DOCK4: variants seen among roughly 807,000 people sequenced by gnomAD.
The protein encoded by DOCK4 is dedicator of cytokinesis 4.
In DOCK4, 97 loss-of-function variants were observed where a neutral mutation model predicts 268.1. The observed-to-expected ratio is 0.36, with a 90% CI of 0.31 to 0.43. DOCK4 has a LOEUF of 0.43. Ranked by LOEUF, DOCK4 falls within the 20% of genes least tolerant of loss-of-function variation. The pLI is 1.00. For missense variants in DOCK4, 2,145 were observed against 2,455.7 expected (o/e 0.87, Z 2.67); for synonymous variants, 954 against 887.2 (o/e 1.08, Z -1.34).
At chr7:111,737,010 A>C in intron 49 of DOCK4, 21 bp from the exon 50 acceptor site, 1 of 1,592,642 alleles carries the variant, frequency 6.3e-7, no homozygotes, top group Non-Finnish European at 8.6e-7. Context: ...ACAAGGGTTG[A>C]TTTTTATGAT....
intron 1 of DOCK4, among the ~76,000 whole-genome samples, chr7:112,203,863 A>G (rs2116900851): frequency 7.8e-6 from 1 of 128,042 alleles, no homozygotes; most frequent in East Asian, 2.3e-4. Flanking sequence ...ACACACACAC[A>G]CACGCCTAAC....
rs531498018 is a variant in DOCK4, at chr7:111,877,221, G to T, written c.1588-35C>A. The T allele has an allele frequency of 9.6e-6, 13 of 1,355,174 alleles. No homozygotes were observed. The African/African-American group carries it at 1.5e-4, about 16-fold the overall frequency. The allele number at this position is 1,355,174 out of a possible 1,614,324, so 83.9% of individuals were successfully genotyped here. On this transcript the variant is annotated intron_variant, in intron 16 of 52. Transcript: ENST00000428084. Reference sequence around the variant, plus strand: ...ATATTTAAAAAAACATAAGGGAAGGGGAAGAGATCTCATAAGAATTATTAA... The same window carrying T: ...ATATTTAAAAAAACATAAGGGAAGGTGAAGAGATCTCATAAGAATTATTAA...
intron 1 of DOCK4, among the ~76,000 whole-genome samples, chr7:112,061,332 C>T (rs188900104): frequency 2.1e-4 from 32 of 152,258 alleles, no homozygotes; most frequent in Admixed American, 5.9e-4. Context: ...GTGGGTCACA[C>T]GACCAGGTAG....
At chr7:111,936,088 C>T (rs939330840) in intron 11 of DOCK4, among the ~76,000 whole-genome samples, 1 of 152,154 alleles carries the variant, frequency 6.6e-6, no homozygotes, top group Non-Finnish European at 1.5e-5. Context: ...TAATTCCTGG[C>T]ATATAATAAA....
intron 1 of DOCK4, among the ~76,000 whole-genome samples, chr7:112,014,628 A>G (rs1484999806): frequency 6.6e-6 from 1 of 152,228 alleles, no homozygotes; most frequent in Admixed American, 6.5e-5. Flanking sequence ...AGATTTTTAA[A>G]TGTACACAGC....
intron 1 of DOCK4, among the ~76,000 whole-genome samples, chr7:112,085,815 A>G (rs996783705): frequency 6.6e-6 from 1 of 152,110 alleles, no homozygotes; most frequent in Admixed American, 6.6e-5. Context: ...GTGTCCCTGG[A>G]AGAGGCACAG....
intron 1 of DOCK4, among the ~76,000 whole-genome samples, chr7:112,086,725 G>C (rs1045847680): frequency 1.2e-4 from 18 of 152,086 alleles, no homozygotes; most frequent in African/African-American, 3.9e-4. Flanking sequence ...ACATCTAACC[G>C]ATTCTGACAG....
intron 30 of DOCK4, chr7:111,807,373 C>T (rs1045546677): frequency 2.0e-5 from 3 of 152,132 alleles, no homozygotes; most frequent in African/African-American, 4.8e-5. Flanking sequence ...GAAGAGCAGT[C>T]TCCAAATAAG....
intron 1 of DOCK4, among the ~76,000 whole-genome samples, chr7:112,164,661 A>T (rs903932473): frequency 1.3e-5 from 2 of 152,220 alleles, no homozygotes; most frequent in African/African-American, 4.8e-5. Flanking sequence ...TTTACACTCA[A>T]TACTTACAAT....
In DOCK4 at chr7:111,737,067, T is replaced by TC; in HGVS notation, c.5233-79dup. ...CCTTTCAGAAAATGAGACGATTATC[T>TC]CCTCAGTAAAACTTTTTGTTCAAAA... On this transcript the variant is annotated intron_variant, in intron 49 of 52. Coordinates refer to ENST00000428084, the MANE Select transcript of DOCK4 (RefSeq NM_001363540.2). 7.0e-6 allele frequency: 9 copies of TC among 1,277,348 alleles called. No homozygotes were observed. In the Admixed American group the frequency reaches 2.0e-4, roughly 28 times the overall value. The allele number at this position is 1,277,348 out of a possible 1,614,324, so 79.1% of individuals were successfully genotyped here. A position where few individuals can be genotyped will look rare whatever the true frequency, so the allele number is the denominator to read the frequency against.
At chr7:112,124,313 T>G (rs958907333) in intron 1 of DOCK4, among the ~76,000 whole-genome samples, 54 of 152,224 alleles carry the variant, frequency 3.5e-4, no homozygotes, top group African/African-American at 1.3e-3. Flanking sequence ...GAGTCACTAT[T>G]GCCTGACCAA....
intron 30 of DOCK4, among the ~76,000 whole-genome samples, chr7:111,807,220 A>C (rs1382019000): frequency 6.6e-6 from 1 of 152,222 alleles, no homozygotes; most frequent in Admixed American, 6.5e-5. Flanking sequence ...AAGTGCATTC[A>C]AACAGATTCA....
chr7:111,874,171 C>T (rs894781713), intron 17 of DOCK4, among the ~76,000 whole-genome samples: 18 of 152,212 alleles, frequency 1.2e-4, no homozygotes, highest in Middle Eastern at 3.4e-3. Flanking sequence ...CATAATCCCT[C>T]GTGCATTTCC....
rs892942722 is a variant in DOCK4 at position 111,982,207 on chromosome 7, G to A, written c.549+2099C>T. On this transcript the variant is annotated intron_variant, in intron 7 of 52. Coordinates refer to ENST00000428084, the MANE Select transcript of DOCK4 (RefSeq NM_001363540.2). Reference sequence around the variant, plus strand: ...TTGCAGCTATACTGCACTTAAAGGTGTTCTTGGTGATGGAAGCCATGTTCA... The same window carrying A: ...TTGCAGCTATACTGCACTTAAAGGTATTCTTGGTGATGGAAGCCATGTTCA... Among the ~76,000 whole-genome samples the A allele has an allele frequency of 2.6e-5, 4 of 152,272 alleles. No individual in the cohort carries two copies. The East Asian group carries it at 7.7e-4, about 29-fold the overall frequency.
At chr7:111,975,982 G>T (rs1009175865) in intron 8 of DOCK4, among the ~76,000 whole-genome samples, 6 of 149,884 alleles carry the variant, frequency 4.0e-5, no homozygotes, top group Non-Finnish European at 7.4e-5. Flanking sequence ...TGGCCAACAT[G>T]GTGAAACCGC....
At chr7:112,034,471 TAAAG>T (rs1169690616) in intron 1 of DOCK4, among the ~76,000 whole-genome samples, 5 of 152,254 alleles carry the variant, frequency 3.3e-5, no homozygotes, top group Admixed American at 6.5e-5. Context: ...TTGAAAGTTA[TAAAG>T]AAAGAAACAA....
At chr7:111,973,264 T>TA (rs1414334035) in intron 8 of DOCK4, among the ~76,000 whole-genome samples, 1 of 151,170 alleles carries the variant, frequency 6.6e-6, no homozygotes, top group Non-Finnish European at 1.5e-5. Context: ...ATTGTGCTGT[T>TA]AAAAACATGA....
intron 1 of DOCK4, among the ~76,000 whole-genome samples, chr7:112,046,569 AGCTACTTGGGAG>A (rs1804840967): frequency 6.6e-6 from 1 of 152,202 alleles, no homozygotes. Context: ...ACAACAAAAA[AGCTACTTGGGAG>A]GCTGAGGTGG....
chr7:112,112,543 C>T (rs1370595514), intron 1 of DOCK4, among the ~76,000 whole-genome samples: 1 of 152,014 alleles, frequency 6.6e-6, no homozygotes. Flanking sequence ...ACTCAGGAGG[C>T]TGAGGCAGGA....
Sources: gnomAD v4.1 joint callset for allele counts (sites outside exome capture counted in the v4.1 genomes callset) on GRCh38, gnomAD v4.1.1 for gene constraint, MANE v1.5 for transcripts, NCBI Gene and HGNC (gene_info 2026-07-23, HGNC 2026-07-21) for gene names.